The following SV2C variants were observed in gnomAD, a reference collection of about 807,000 sequenced individuals.
The protein encoded by SV2C is synaptic vesicle glycoprotein 2C, also known as solute carrier family 22 member B3.
In SV2C, 49 loss-of-function variants were observed where a neutral mutation model predicts 79.7. The ratio of observed to expected loss-of-function variants is 0.61; its 90% CI spans 0.49 to 0.78. The LOEUF is 0.78. SV2C is among the 30% of genes least tolerant of loss of function. The pLI is 0.00. For synonymous variants in SV2C, 334 were observed against 333.2 expected (o/e 1.00, Z -0.03); for missense variants, 833 against 912.9 (o/e 0.91, Z 1.13).
the SV2C span, among the ~76,000 whole-genome samples, chr5:76,022,211 C>A: frequency 6.6e-6 from 1 of 152,148 alleles, no homozygotes; most frequent in Non-Finnish European, 1.5e-5. Flanking sequence ...TCTCAGCATG[C>A]CTGGTGCATC....
the SV2C span, among the ~76,000 whole-genome samples, chr5:75,919,001 G>A: frequency 4.5e-4 from 69 of 152,182 alleles, no homozygotes; most frequent in African/African-American, 1.5e-3. Context: ...TAAACATTCC[G>A]GCAGAATTCA....
chr5:75,874,297 CA>C, the SV2C span, among the ~76,000 whole-genome samples: 5 of 151,552 alleles, frequency 3.3e-5, no homozygotes, highest in South Asian at 2.1e-4. Flanking sequence ...GAACTAAAGA[CA>C]AAAAAAACAC....
chr5:76,104,470 A>C (rs926272252), intron 1 of SV2C, among the ~76,000 whole-genome samples: 1 of 152,166 alleles, frequency 6.6e-6, no homozygotes, highest in Non-Finnish European at 1.5e-5. Flanking sequence ...CAGCAGCCTC[A>C]AATTCCTGGG....
Position 76,221,742 on chromosome 5 carries a change from A to G in SV2C, c.913+11855A>G, listed in dbSNP as rs570857638. On this transcript the variant is annotated intron_variant, in intron 4 of 12. Transcript: ENST00000502798. The stretch of plus-strand genomic sequence containing the variant: ...ATTAGACTTCCCTGGTACTCAGATC[A>G]CAGTTGGCTAGATCCTGGGTCTTCC... Among the ~76,000 whole-genome samples the G allele has an allele frequency of 3.9e-5, 6 of 152,246 alleles. No homozygotes were observed. In the South Asian group the frequency reaches 1.2e-3, roughly 32 times the overall value.
At chr5:75,939,685 A>G in the SV2C span, among the ~76,000 whole-genome samples, 3 of 152,292 alleles carry the variant, frequency 2.0e-5, no homozygotes, top group African/African-American at 7.2e-5. Context: ...AATTTTAGTC[A>G]GGTCAGGTGA....
At chr5:76,219,594 C>G (rs1291104985) in intron 4 of SV2C, among the ~76,000 whole-genome samples, 1 of 152,202 alleles carries the variant, frequency 6.6e-6, no homozygotes, top group Non-Finnish European at 1.5e-5. Flanking sequence ...CCCAGCCCAG[C>G]CTCTTGTCTC....
At chr5:76,267,385 A>G (rs1430333179) in intron 4 of SV2C, among the ~76,000 whole-genome samples, 1 of 152,194 alleles carries the variant, frequency 6.6e-6, no homozygotes, top group East Asian at 1.9e-4. Flanking sequence ...AAAATTTAAT[A>G]TTAAAAAAAT....
intron 9 of SV2C, among the ~76,000 whole-genome samples, chr5:76,297,229 A>T (rs1203182329): frequency 1.3e-5 from 2 of 152,172 alleles, no homozygotes; most frequent in Admixed American, 6.5e-5. Context: ...CATTAACGAA[A>T]TTTTTTAAAA....
intron 2 of SV2C, among the ~76,000 whole-genome samples, chr5:76,156,480 A>C (rs1408618612): frequency 6.6e-6 from 1 of 152,186 alleles, no homozygotes; most frequent in Non-Finnish European, 1.5e-5. Flanking sequence ...TTCCAACAGA[A>C]AAACTATGAG....
At chr5:75,860,203 A>C in the SV2C span, among the ~76,000 whole-genome samples, 2 of 152,200 alleles carry the variant, frequency 1.3e-5, no homozygotes, top group Non-Finnish European at 2.9e-5. Flanking sequence ...TTTGGGATAC[A>C]AAATCAACGT....
At chr5:75,996,786 G>T in the SV2C span, among the ~76,000 whole-genome samples, 1 of 150,914 alleles carries the variant, frequency 6.6e-6, no homozygotes, top group African/African-American at 2.4e-5. Flanking sequence ...CTCTCTGTTT[G>T]TCTGTTATTG....
At chr5:76,028,706 A>C in the SV2C span, among the ~76,000 whole-genome samples, 1 of 152,192 alleles carries the variant, frequency 6.6e-6, no homozygotes, top group African/African-American at 2.4e-5. Context: ...CAGGGTTCTC[A>C]GCTTTAGCAC....
chr5:76,001,696 G>A, the SV2C span, among the ~76,000 whole-genome samples: 1 of 152,190 alleles, frequency 6.6e-6, no homozygotes, highest in Non-Finnish European at 1.5e-5. Flanking sequence ...ATTATTGGCA[G>A]ATGTTGGTAG....
chr5:76,330,727 T>A lies in SV2C; in HGVS notation c.*5180T>A, dbSNP rs1749155449. ...AGACTATTAACTAGTACTTGGAAAA[T>A]GAGAAAAATGAAACCACACATAAGT... On this transcript the variant is annotated 3_prime_UTR_variant, in exon 13 of 13. Transcript: ENST00000502798. 1 of 151,852 alleles carries A rather than the reference T, an allele frequency of 6.6e-6. No homozygotes were observed. Among genetic ancestry groups the A allele is most frequent in the Non-Finnish European group, 1.5e-5 (1 of 68,012 alleles). The allele number at this position is 151,852 out of a possible 1,614,324, so 9.4% of individuals were successfully genotyped here. A position where few individuals can be genotyped will look rare whatever the true frequency, so the allele number is the denominator to read the frequency against.
chr5:75,892,221 T>C, the SV2C span, among the ~76,000 whole-genome samples: 2 of 152,066 alleles, frequency 1.3e-5, no homozygotes, highest in African/African-American at 4.8e-5. Context: ...CTGTGTTTCA[T>C]GTCACATTAG....
At chr5:75,970,019 T>C in the SV2C span, among the ~76,000 whole-genome samples, 7,931 of 151,976 alleles carry the variant, frequency 0.052, 709 homozygotes, top group African/African-American at 0.18. Flanking sequence ...ATTAAGAAAC[T>C]CACTCAAAAC....
At chr5:76,218,363 C>T (rs532075461) in intron 4 of SV2C, among the ~76,000 whole-genome samples, 2 of 152,232 alleles carry the variant, frequency 1.3e-5, no homozygotes, top group East Asian at 3.9e-4. Context: ...CCCAAATGCC[C>T]ATCAATGGTA....
intron 1 of SV2C, among the ~76,000 whole-genome samples, chr5:76,097,237 T>C (rs1747597108): frequency 1.3e-5 from 2 of 152,238 alleles, no homozygotes; most frequent in African/African-American, 2.4e-5. Flanking sequence ...CCTAGAATTG[T>C]ATTCTGTTTT....
At chr5:75,939,534 C>A in the SV2C span, among the ~76,000 whole-genome samples, 1 of 152,016 alleles carries the variant, frequency 6.6e-6, no homozygotes, top group Non-Finnish European at 1.5e-5. Context: ...AATTTTTTTG[C>A]GGGGTAGGGG....
Sources: gnomAD v4.1 joint callset for allele counts (sites outside exome capture counted in the v4.1 genomes callset) on GRCh38, gnomAD v4.1.1 for gene constraint, MANE v1.5 for transcripts, NCBI Gene and HGNC (gene_info 2026-07-23, HGNC 2026-07-21) for gene names.